Variants in HTRA1 observed in about 807,000 individuals in gnomAD.
HTRA1 encodes serine protease HTRA1.
A neutral mutation model predicts 49.7 loss-of-function variants in HTRA1; 26 were observed. That is an observed-to-expected ratio of 0.52 (90% CI 0.38 to 0.73). The LOEUF is 0.73. Ranked by LOEUF, HTRA1 falls within the 30% of genes least tolerant of loss-of-function variation. The pLI is 0.00. For synonymous variants in HTRA1, 291 were observed against 286.9 expected (o/e 1.01, Z -0.14); for missense variants, 561 against 667.2 (o/e 0.84, Z 1.75).
At chr10:122,480,951 A>T (rs139875811) in intron 1 of HTRA1, among the ~76,000 whole-genome samples, 2,098 of 152,262 alleles carry the variant, frequency 0.014, 30 homozygotes, top group Admixed American at 0.029. Flanking sequence ...AAATAAGATT[A>T]AAAAAAGCTA....
intron 1 of HTRA1, among the ~76,000 whole-genome samples, chr10:122,470,604 A>G (rs1054693564): frequency 6.6e-6 from 1 of 152,066 alleles, no homozygotes; most frequent in Non-Finnish European, 1.5e-5. Context: ...TATAAGGAAT[A>G]TGAAGGAGTT....
In HTRA1 at chr10:122,506,211, G is replaced by A. The variant is rs997908105; in HGVS notation, c.778-480G>A. Among the ~76,000 whole-genome samples the A allele has an allele frequency of 1.3e-5, 2 of 150,736 alleles. No individual in the cohort carries two copies. Among genetic ancestry groups the A allele is most frequent in the Non-Finnish European group, 3.0e-5 (2 of 67,598 alleles). On this transcript the variant is annotated intron_variant, in intron 3 of 8. Transcript: ENST00000368984. This position sits in a 1 kb window ranked among gnomAD's most constrained non-coding sequence, Gnocchi z 5.2. ...CCGCAGAGCACCCCAAATATTCCAG[G>A]CCTCAGGACGGATGTGCACATGATG...
rs2097482769 is a variant in HTRA1 at position 122,464,172 on chromosome 10, T to C, written c.472+2048T>C. Among the ~76,000 whole-genome samples the C allele has an allele frequency of 6.6e-6, 1 of 152,232 alleles. No individual in the cohort carries two copies. ...TTGTCCAAAACAAGCCAGCTGTTACTGGTCTCGCTGTTTGTGGTCTCATCG... is the reference window on the plus strand; with the variant it reads ...TTGTCCAAAACAAGCCAGCTGTTACCGGTCTCGCTGTTTGTGGTCTCATCG... On this transcript the variant is annotated intron_variant, in intron 1 of 8. Coordinates refer to ENST00000368984, the MANE Select transcript of HTRA1 (RefSeq NM_002775.5). The surrounding 1 kb of genome is among the most constrained non-coding windows in gnomAD (Gnocchi z 4.8).
At chr10:122,507,034 A>C in intron 4 of HTRA1, 149 bp downstream of exon 4, 1 of 775,036 alleles carries the variant, frequency 1.3e-6, no homozygotes, top group East Asian at 2.7e-5. Flanking sequence ...TGCCAGCAGC[A>C]TGGCAGGGGT....
At position 122,514,248 on chromosome 10, in the gene HTRA1, C is replaced by A. The variant is rs139917912; in HGVS notation, c.1332C>A (p.Ser444=). The change falls in exon 9 of 9, where the codon TCC becomes TCA. Residue 444 remains serine (S), a synonymous_variant. Transcript: ENST00000368984. The part of the protein sequence containing the change: ...IISINGQSVV[S]ANDVSDVIKR... ...GCATCAATGGACAGTCCGTGGTCTC[C>A]GCCAATGATGTCAGCGACGTCATTA... 6.2e-7 allele frequency: 1 copy of A among 1,613,926 alleles called. No homozygotes were observed. The highest frequency in any genetic ancestry group is 1.7e-5 in the Admixed American group (1 of 60,020).
Position 122,514,198 on chromosome 10 carries a change from C to T in HTRA1, c.1282C>T (p.Leu428Phe). The change falls in exon 9 of 9, where the codon CTC becomes TTC. Residue 428 changes from leucine (L) to phenylalanine (F), a missense_variant. Coordinates refer to ENST00000368984, the MANE Select transcript of HTRA1 (RefSeq NM_002775.5). ...IPDTPAEAGGLKENDVIISIN... is the reference protein window; with the variant it reads ...IPDTPAEAGGFKENDVIISIN... Reference sequence around the variant, plus strand: ...TTTCCCTTTGTGTTGCAGTGGTGGTCTCAAGGAAAACGACGTCATAATCAG... The same window carrying T: ...TTTCCCTTTGTGTTGCAGTGGTGGTTTCAAGGAAAACGACGTCATAATCAG... The T allele has an allele frequency of 6.2e-7, 1 of 1,613,754 alleles. No individual in the cohort carries two copies.
intron 1 of HTRA1, among the ~76,000 whole-genome samples, chr10:122,474,849 C>T (rs1205963209): frequency 1.3e-5 from 2 of 152,130 alleles, no homozygotes; most frequent in Non-Finnish European, 2.9e-5. Flanking sequence ...CAGCACCGAT[C>T]AAACCCAATA....
chr10:122,467,052 G>A (rs191789972), intron 1 of HTRA1, among the ~76,000 whole-genome samples: 5 of 152,294 alleles, frequency 3.3e-5, no homozygotes, highest in African/African-American at 9.6e-5. Flanking sequence ...TGATGGTGGC[G>A]GGCACCATGA....
Position 122,461,850 on chromosome 10 carries a change from G to C in HTRA1, c.198G>C (p.Glu66Asp). The C allele has an allele frequency of 8.5e-7, 1 of 1,181,962 alleles. No homozygotes were observed. The highest frequency in any genetic ancestry group is 1.0e-6 in the Non-Finnish European group (1 of 959,362). The allele number at this position is 1,181,962 out of a possible 1,614,324, so 73.2% of individuals were successfully genotyped here. Residue 66 changes from glutamate to aspartate, a missense_variant, in exon 1 of 9, where the codon GAG (glutamate) becomes GAC (aspartate). Physicochemically the swap from Glu to Asp is conservative, Grantham distance 45 (BLOSUM62 2). Coordinates refer to ENST00000368984, the MANE Select transcript of HTRA1 (RefSeq NM_002775.5). ...CCCGGGACGCGTGCGGCTGCTGCGAGGTGTGCGGCGCGCCCGAGGGCGCCG... is the reference window on the plus strand; with the variant it reads ...CCCGGGACGCGTGCGGCTGCTGCGACGTGTGCGGCGCGCCCGAGGGCGCCG... ...GRARDACGCCEVCGAPEGAAC... is the reference protein window; with the variant it reads ...GRARDACGCCDVCGAPEGAAC...
At chr10:122,514,084 T>C in intron 8 of HTRA1, 107 bp from the exon 9 acceptor site, 1 of 1,131,846 alleles carries the variant, frequency 8.8e-7, no homozygotes, top group Non-Finnish European at 1.3e-6. Context: ...TCCAATCCTG[T>C]TTGCTCTGGG....
chr10:122,489,273 G>T (rs1565422237), intron 2 of HTRA1, 149 bp from the exon 3 acceptor site: 1 of 809,044 alleles, frequency 1.2e-6, no homozygotes, highest in South Asian at 1.5e-5. Flanking sequence ...CAAAAAATTG[G>T]CAGGATGTTT....
chr10:122,474,634 G>A (rs1591026841), intron 1 of HTRA1, among the ~76,000 whole-genome samples: 1 of 152,158 alleles, frequency 6.6e-6, no homozygotes, highest in East Asian at 1.9e-4. Context: ...AGAAATCTGC[G>A]AAGGTCAGGA....
intron 1 of HTRA1, among the ~76,000 whole-genome samples, chr10:122,475,751 T>C (rs908399371): frequency 2.6e-5 from 4 of 152,226 alleles, no homozygotes; most frequent in Non-Finnish European, 5.9e-5. Flanking sequence ...CAGGCCCCTC[T>C]GTGCCCATGT....
intron 1 of HTRA1, among the ~76,000 whole-genome samples, chr10:122,484,081 G>A (rs545208520): frequency 6.6e-6 from 1 of 152,010 alleles, no homozygotes; most frequent in Admixed American, 6.6e-5. Flanking sequence ...ATTACTGAAC[G>A]GCAGCCAGTT....
intron 8 of HTRA1, among the ~76,000 whole-genome samples, chr10:122,513,677 T>TAA (rs200167274): frequency 1.4e-5 from 2 of 138,708 alleles, no homozygotes. Context: ...AGAACATTAT[T>TAA]AAAAAAAAAA....
intron 1 of HTRA1, among the ~76,000 whole-genome samples, chr10:122,466,305 A>G (rs982260500): frequency 3.9e-5 from 6 of 152,102 alleles, no homozygotes; most frequent in Non-Finnish European, 8.8e-5. Context: ...AGCTGGGACT[A>G]CAGGCACCCG....
Position 122,489,035 on chromosome 10 carries a change from G to A in HTRA1, c.572+34G>A, listed in dbSNP as rs768881830. ...AGCCTTCCTTTTTCCTATAACCTCC[G>A]AAGCTTTCACCGCCACTAGCAAAAC... On this transcript the variant is annotated intron_variant, in intron 2 of 8. Coordinates refer to ENST00000368984, the MANE Select transcript of HTRA1 (RefSeq NM_002775.5). 1.0e-5 allele frequency: 15 copies of A among 1,492,800 alleles called. 1 individual carries two copies. The highest frequency in any genetic ancestry group is 9.0e-5 in the East Asian group (4 of 44,330). The allele number at this position is 1,492,800 out of a possible 1,614,324, so 92.5% of individuals were successfully genotyped here. A position where few individuals can be genotyped will look rare whatever the true frequency, so the allele number is the denominator to read the frequency against.
chr10:122,494,442 G>A lies in HTRA1; in HGVS notation c.777+4816G>A, dbSNP rs537781061. ...CTGGCTGCAGATGCCCCTGCCTCCC[G>A]GCTTTGCCTGCTTGGAGTTTGATGG... On this transcript the variant is annotated intron_variant, in intron 3 of 8. Transcript: ENST00000368984. This position sits in a 1 kb window ranked among gnomAD's most constrained non-coding sequence, Gnocchi z 4.0. Among the ~76,000 whole-genome samples the A allele has an allele frequency of 2.0e-5, 3 of 152,278 alleles. No homozygotes were observed. Among genetic ancestry groups the A allele is most frequent in the South Asian group, 2.1e-4 (1 of 4,828 alleles).
intron 3 of HTRA1, among the ~76,000 whole-genome samples, chr10:122,496,225 G>GTTTT (rs1287521208): frequency 0.027 from 2,150 of 80,358 alleles, 802 homozygotes; most frequent in Middle Eastern, 0.1. Flanking sequence ...GAGATTGTGG[G>GTTTT]TTCTTTTTTT....
Sources: gnomAD v4.1 joint callset for allele counts (sites outside exome capture counted in the v4.1 genomes callset) on GRCh38, gnomAD v4.1.1 for gene constraint, Gnocchi (gnomAD v3.1) non-coding constraint, MANE v1.5 for transcripts, NCBI Gene and HGNC (gene_info 2026-07-23, HGNC 2026-07-21) for gene names.